The following KCNN1 variants were observed in gnomAD, a reference collection of about 807,000 sequenced individuals.
KCNN1 encodes small conductance calcium-activated potassium channel protein 1.
KCNN1 carries 20 observed loss-of-function variants against 44.7 expected under a neutral mutation model. The observed-to-expected ratio is 0.45, with a 90% CI of 0.32 to 0.65. The LOEUF is 0.65. Ranked by LOEUF, KCNN1 falls within the 30% of genes least tolerant of loss-of-function variation. KCNN1 has a pLI of 0.05. For missense variants in KCNN1, 632 were observed against 785.3 expected (o/e 0.80, Z 2.33); for synonymous variants, 324 against 341.7 (o/e 0.95, Z 0.57).
intron 2 of KCNN1, among the ~76,000 whole-genome samples, chr19:17,956,030 C>A (rs747150297): frequency 6.6e-6 from 1 of 152,050 alleles, no homozygotes; most frequent in African/African-American, 2.4e-5. Flanking sequence ...TCCACCCCAC[C>A]GGGTTCAAGC....
chr19:17,973,782 G>T, intron 1 of KCNN1, 26 bp from the exon 2 acceptor site: 2 of 1,482,956 alleles, frequency 1.3e-6, no homozygotes, highest in South Asian at 2.7e-5. Flanking sequence ...ACCCTGCTGT[G>T]ACCATGTCCC....
At chr19:17,978,452 G>A (rs1200055453) in intron 3 of KCNN1, among the ~76,000 whole-genome samples, 12 of 142,258 alleles carry the variant, frequency 8.4e-5, no homozygotes, top group Admixed American at 7.2e-4. Context: ...TTTAAACACA[G>A]GATCTCGTTC....
intron 3 of KCNN1, among the ~76,000 whole-genome samples, chr19:17,980,527 G>T (rs1038364020): frequency 2.0e-5 from 3 of 151,940 alleles, no homozygotes; most frequent in African/African-American, 7.3e-5. Context: ...ACTTTTTGGG[G>T]AACACTCATA....
At chr19:17,976,779 G>A (rs1443708488) in intron 3 of KCNN1, among the ~76,000 whole-genome samples, 4 of 150,120 alleles carry the variant, frequency 2.7e-5, no homozygotes, top group African/African-American at 9.8e-5. Context: ...GCAGTGGCGC[G>A]ATCTTGGCTC....
In KCNN1 at chr19:17,998,330, GC is replaced by G. The variant is rs1568462755; in HGVS notation, c.1560del (p.Gly521AlafsTer59). The G allele has an allele frequency of 6.5e-7, 1 of 1,532,760 alleles. No homozygotes were observed. The highest frequency in any genetic ancestry group is 8.7e-7 in the Non-Finnish European group (1 of 1,145,012). 94.9% of individuals were successfully genotyped at this position (1,532,760 alleles called of 1,614,324 possible). A position where few individuals can be genotyped will look rare whatever the true frequency, so the allele number is the denominator to read the frequency against. ...CCGCCTCCCCTGCCTCCCAGGCCCG[GC>G]CCCGGCCCCCAAGACCAGGCAGCCC... ...PPPPPLPPRP[G>X]PGPQDQAARS... On this transcript the variant is annotated frameshift_variant, in exon 10 of 10. Coordinates refer to ENST00000684775, the MANE Select transcript of KCNN1 (RefSeq NM_001386974.1). LOFTEE classifies it low-confidence loss of function (END_TRUNC). The surrounding 1 kb of genome is among the most constrained non-coding windows in gnomAD (Gnocchi z 5.4).
chr19:17,954,361 G>A (rs1014525245), intron 1 of KCNN1, among the ~76,000 whole-genome samples: 1 of 152,124 alleles, frequency 6.6e-6, no homozygotes, highest in African/African-American at 2.4e-5. Context: ...GGAGGCTGAG[G>A]CAGGAGAATT....
intron 7 of KCNN1, among the ~76,000 whole-genome samples, chr19:17,991,778 C>T (rs1246025442): frequency 6.6e-6 from 1 of 152,152 alleles, no homozygotes; most frequent in Non-Finnish European, 1.5e-5. Flanking sequence ...TGTAAAGGGC[C>T]AGATGGTAAA....
intron 4 of KCNN1, among the ~76,000 whole-genome samples, 152 bp downstream of exon 4, chr19:17,982,279 T>G (rs1274534749): frequency 3.9e-5 from 6 of 151,978 alleles, no homozygotes; most frequent in African/African-American, 1.2e-4. Context: ...GTGCCTCCTG[T>G]CTTCCAGTTT....
In KCNN1 at chr19:17,993,864, G is replaced by T. The variant is rs1377002104; in HGVS notation, c.1377+305G>T. On this transcript the variant is annotated intron_variant, in intron 9 of 9. Coordinates refer to ENST00000684775, the MANE Select transcript of KCNN1 (RefSeq NM_001386974.1). This position sits in a 1 kb window ranked among gnomAD's most constrained non-coding sequence, Gnocchi z 4.5. The stretch of plus-strand genomic sequence containing the variant: ...GGTTGAGGCTGCAGTGAGCCGAGAT[G>T]GCACCACTGCAGTCCAGCCTGGGTG... 1.3e-5 allele frequency among the ~76,000 whole-genome samples: 2 copies of T among 151,974 alleles called. No individual in the cohort carries two copies. The highest frequency in any genetic ancestry group is 1.9e-4 in the East Asian group (1 of 5,194).
chr19:17,961,934 C>T (rs2031692224), intron 2 of KCNN1, among the ~76,000 whole-genome samples: 1 of 152,022 alleles, frequency 6.6e-6, no homozygotes, highest in Non-Finnish European at 1.5e-5. Context: ...CTGGGGAGGA[C>T]TCAAATTTTG....
chr19:17,963,395 C>T (rs1183090378), upstream of KCNN1, among the ~76,000 whole-genome samples: 1 of 151,780 alleles, frequency 6.6e-6, no homozygotes, highest in African/African-American at 2.4e-5. Context: ...TCACTGCAAC[C>T]TCCACCTCCC....
intron 3 of KCNN1, among the ~76,000 whole-genome samples, chr19:17,978,750 C>G (rs1367496854): frequency 1.4e-5 from 2 of 144,210 alleles, no homozygotes; most frequent in Non-Finnish European, 3.1e-5. Context: ...ACAGACCCGG[C>G]TTTTTTTTTT....
chr19:17,979,426 C>G (rs2032319886), intron 3 of KCNN1, among the ~76,000 whole-genome samples: 2 of 122,864 alleles, frequency 1.6e-5, no homozygotes, highest in Non-Finnish European at 3.3e-5. Context: ...GAGCGAGACT[C>G]CGTCTCAAAA....
At chr19:17,975,934 G>T (rs964777701) in intron 3 of KCNN1, among the ~76,000 whole-genome samples, 4 of 152,114 alleles carry the variant, frequency 2.6e-5, no homozygotes, top group African/African-American at 9.7e-5. Flanking sequence ...CAAACTCGTG[G>T]GCTCAAGTGA....
At chr19:17,953,597 C>T (rs1418165127) in intron 1 of KCNN1, among the ~76,000 whole-genome samples, 2 of 152,186 alleles carry the variant, frequency 1.3e-5, no homozygotes, top group African/African-American at 4.8e-5. Flanking sequence ...GGAGGGAGCA[C>T]GCCAAGGGAG....
chr19:17,995,805 C>T (rs1267332189), intron 9 of KCNN1, among the ~76,000 whole-genome samples: 1 of 151,822 alleles, frequency 6.6e-6, no homozygotes, highest in Non-Finnish European at 1.5e-5. Context: ...AGGCTGGTCT[C>T]GAACTCCTGA....
At chr19:17,994,315 T>C (rs905487031) in intron 9 of KCNN1, among the ~76,000 whole-genome samples, 1 of 151,496 alleles carries the variant, frequency 6.6e-6, no homozygotes, top group Non-Finnish European at 1.5e-5. Flanking sequence ...GGCATGGTGG[T>C]GAGTGCCTGT....
At chr19:17,984,739 T>C (rs1179585703) in intron 4 of KCNN1, among the ~76,000 whole-genome samples, 1 of 152,018 alleles carries the variant, frequency 6.6e-6, no homozygotes, top group Non-Finnish European at 1.5e-5. Context: ...GTCCCAAATA[T>C]AGCCCCAGGC....
At chr19:17,967,993 T>C (rs890105994) in intron 1 of KCNN1, among the ~76,000 whole-genome samples, 1 of 150,172 alleles carries the variant, frequency 6.7e-6, no homozygotes, top group African/African-American at 2.5e-5. Flanking sequence ...CTGCACTGGC[T>C]CCTGGGCGGC....
Sources: allele counts gnomAD v4.1 joint callset (sites outside exome capture counted in the v4.1 genomes callset), GRCh38; gene constraint gnomAD v4.1.1; non-coding constraint Gnocchi (gnomAD v3.1); transcripts MANE v1.5; gene names NCBI Gene and HGNC (gene_info 2026-07-23, HGNC 2026-07-21).